Variants in SGCE observed in about 807,000 individuals in gnomAD.
The protein encoded by SGCE is sarcoglycan epsilon.
In SGCE, 26 loss-of-function variants were observed where a neutral mutation model predicts 57.8. The ratio of observed to expected loss-of-function variants is 0.45; its 90% CI spans 0.33 to 0.62. SGCE has a LOEUF of 0.62. SGCE is among the 20% of genes least tolerant of loss of function. The pLI, the probability that SGCE is intolerant of heterozygous loss-of-function variation, is 0.02. For synonymous variants in SGCE, 183 were observed against 189.5 expected, an observed-to-expected ratio of 0.97 and a Z score of 0.28; for missense variants, 468 against 548.6, an observed-to-expected ratio of 0.85 and a Z score of 1.47.
Position 94,599,004 on chromosome 7 carries a change from T to C in SGCE, c.1065-41A>G, listed in dbSNP as rs775296035. On this transcript the variant is annotated intron_variant, in intron 8 of 10. Coordinates refer to ENST00000648936, the MANE Select transcript of SGCE (RefSeq NM_003919.3). ...ATAAAACAACATATATTTAAAATCA[T>C]ATATTAGCCTGATGGGTCATCAATT... 7.5e-6 allele frequency: 11 copies of C among 1,458,684 alleles called. No homozygotes were observed. In the Admixed American group the frequency reaches 1.4e-4, roughly 19 times the overall value. The allele number at this position is 1,458,684 out of a possible 1,614,324, so 90.4% of individuals were successfully genotyped here.
chr7:94,639,049 G>A (rs1249988569), intron 1 of SGCE, among the ~76,000 whole-genome samples: 3 of 152,114 alleles, frequency 2.0e-5, no homozygotes, highest in Admixed American at 1.3e-4. Context: ...TTTATAAGTG[G>A]CAAGCTAGTG....
At chr7:94,612,230 A>G (rs992795098) in intron 5 of SGCE, among the ~76,000 whole-genome samples, 3 of 152,198 alleles carry the variant, frequency 2.0e-5, no homozygotes, top group South Asian at 2.1e-4. Flanking sequence ...ATAAATGGGC[A>G]TAAGAGATTT....
At chr7:94,648,127 C>T (rs982711713) in intron 1 of SGCE, among the ~76,000 whole-genome samples, 23 of 152,094 alleles carry the variant, frequency 1.5e-4, no homozygotes, top group African/African-American at 5.1e-4. Flanking sequence ...AATCCCAACA[C>T]TCTGGGAGGC....
intron 2 of SGCE, chr7:94,629,470 A>C (rs959415953): frequency 2.0e-5 from 8 of 406,600 alleles, no homozygotes; most frequent in Non-Finnish European, 3.2e-5. Context: ...TAGGTAGATC[A>C]CTTGTCAGAG....
Position 94,603,463 on chromosome 7 carries a change from G to A in SGCE, c.663-11C>T. ...ACCATGACATAAACGCTGTAAAAATGTGAAACTCTCAGGTTATCCTTTAAG... is the reference window on the plus strand; with the variant it reads ...ACCATGACATAAACGCTGTAAAAATATGAAACTCTCAGGTTATCCTTTAAG... On this transcript the variant is annotated splice_polypyrimidine_tract_variant and intron_variant, in intron 5 of 10. Coordinates refer to ENST00000648936, the MANE Select transcript of SGCE (RefSeq NM_003919.3). 1 of 1,611,770 alleles carries A rather than the reference G, an allele frequency of 6.2e-7. No homozygotes were observed. The highest frequency in any genetic ancestry group is 8.5e-7 in the Non-Finnish European group (1 of 1,178,280).
chr7:94,629,756 T>C lies in SGCE; in HGVS notation c.195A>G (p.Glu65=). 3.1e-6 allele frequency: 5 copies of C among 1,611,416 alleles called. No individual in the cohort carries two copies. Among genetic ancestry groups the C allele is most frequent in the Non-Finnish European group, 4.2e-6 (5 of 1,177,998 alleles). ...GVLFVHVLER[E]YFKGEFPPYP... ...AAGGTGGAAATTCCCCCTTAAAATA[T>C]TCTCTTTCCAAAACATGAACAAAGA... Residue 65 remains glutamate, a synonymous_variant, in exon 2 of 11, where the codon GAA becomes GAG. Coordinates refer to ENST00000648936, the MANE Select transcript of SGCE (RefSeq NM_003919.3).
chr7:94,593,377 C>T (rs927281105), intron 9 of SGCE, among the ~76,000 whole-genome samples: 4 of 151,732 alleles, frequency 2.6e-5, no homozygotes, highest in Admixed American at 1.3e-4. Flanking sequence ...ACCTAAGGGG[C>T]CTCATGAAGA....
chr7:94,628,137 T>TACAC (rs138881114), intron 3 of SGCE, 65 bp downstream of exon 3: 11,870 of 988,512 alleles, frequency 0.012, 68 homozygotes, highest in Middle Eastern at 0.048. Context: ...CAAATTACAA[T>TACAC]ACACACACAC....
intron 9 of SGCE, among the ~76,000 whole-genome samples, chr7:94,595,568 T>C (rs541615397): frequency 1.3e-5 from 2 of 152,158 alleles, no homozygotes; most frequent in Non-Finnish European, 2.9e-5. Flanking sequence ...TACCTGGTTA[T>C]TGAGTACTGT....
At chr7:94,617,469 A>T (rs187271063) in intron 5 of SGCE, 1 of 152,344 alleles carries the variant, frequency 6.6e-6, no homozygotes, top group Admixed American at 6.5e-5. Flanking sequence ...AAACTGTTTT[A>T]AAAACCCCAT....
At chr7:94,614,107 CAAAAAAAAAAA>C (rs925650428) in intron 5 of SGCE, among the ~76,000 whole-genome samples, 2 of 94,964 alleles carry the variant, frequency 2.1e-5, no homozygotes, top group African/African-American at 9.7e-5. Context: ...AAATTGAAAT[CAAAAAAAAAAA>C]AAAAAAAAAA....
intron 3 of SGCE, chr7:94,625,143 G>C (rs543474726): frequency 2.6e-5 from 4 of 151,800 alleles, no homozygotes; most frequent in Admixed American, 2.0e-4. Flanking sequence ...CTAAAACAGA[G>C]CTGATCTATT....
intron 5 of SGCE, among the ~76,000 whole-genome samples, chr7:94,609,045 T>G (rs928599853): frequency 6.6e-6 from 1 of 152,062 alleles, no homozygotes; most frequent in Non-Finnish European, 1.5e-5. Context: ...GCACAATCCA[T>G]GAAAGAAAGA....
chr7:94,585,344 G>T lies in SGCE; in HGVS notation c.*155C>A. 1.7e-6 allele frequency: 1 copy of T among 590,526 alleles called. No homozygotes were observed. Among genetic ancestry groups the T allele is most frequent in the Non-Finnish European group, 3.0e-6 (1 of 335,494 alleles). The allele number at this position is 590,526 out of a possible 1,614,324, so 36.6% of individuals were successfully genotyped here. On this transcript the variant is annotated 3_prime_UTR_variant, in exon 11 of 11. Coordinates refer to ENST00000648936, the MANE Select transcript of SGCE (RefSeq NM_003919.3). The stretch of plus-strand genomic sequence containing the variant: ...GTACAAAAAAATACATTAGTAAAAT[G>T]AAAGTTATGTTGTATTATTTGGTAT...
At chr7:94,639,782 T>G (rs1562885955) in intron 1 of SGCE, among the ~76,000 whole-genome samples, 1 of 152,160 alleles carries the variant, frequency 6.6e-6, no homozygotes, top group Non-Finnish European at 1.5e-5. Flanking sequence ...AAAGCATACG[T>G]GCTATAAGAA....
At chr7:94,636,123 A>T (rs566847687) in intron 1 of SGCE, among the ~76,000 whole-genome samples, 1 of 152,306 alleles carries the variant, frequency 6.6e-6, no homozygotes, top group East Asian at 1.9e-4. Context: ...TCCCCAACTA[A>T]AACCACTTAC....
rs757796461 is a variant in SGCE at position 94,600,656 on chromosome 7, G to A, written c.1027C>T (p.Arg343Trp). ...TTTTAAAGTACTCACACGCCTTCCC[G>A]TCGGCAGCACATGATATAAGCAAGT... ...LILAYIMCCR[R>W]EGVEKRNMQT... The change falls in exon 7 of 11, where the codon CGG (arginine) becomes TGG (tryptophan). Residue 343 changes from arginine (R) to tryptophan (W), a missense_variant. Coordinates refer to ENST00000648936, the MANE Select transcript of SGCE (RefSeq NM_003919.3). The A allele has an allele frequency of 2.7e-5, 43 of 1,612,076 alleles. No individual in the cohort carries two copies. Among genetic ancestry groups the A allele is most frequent in the Admixed American group, 6.7e-5 (4 of 59,924 alleles).
At chr7:94,655,466 G>A (rs962499008) in intron 1 of SGCE, among the ~76,000 whole-genome samples, 2 of 151,978 alleles carry the variant, frequency 1.3e-5, no homozygotes, top group African/African-American at 2.4e-5. Context: ...TTAGCAAGAG[G>A]GGGAAATTCG....
intron 5 of SGCE, among the ~76,000 whole-genome samples, chr7:94,611,972 T>C (rs796295909): frequency 3.3e-4 from 50 of 152,314 alleles, no homozygotes; most frequent in African/African-American, 1.2e-3. Context: ...ATTTAGATGA[T>C]CAGAGGATAT....
Sources: allele counts gnomAD v4.1 joint callset (sites outside exome capture counted in the v4.1 genomes callset), GRCh38; gene constraint gnomAD v4.1.1; transcripts MANE v1.5; gene names NCBI Gene and HGNC (gene_info 2026-07-23, HGNC 2026-07-21).